BUB1B: variants seen among roughly 807,000 people sequenced by gnomAD.
BUB1B encodes mitotic checkpoint serine/threonine-protein kinase BUB1 beta.
Under a neutral mutation model 137.7 loss-of-function variants are expected in BUB1B, and 86 were observed. The ratio of observed to expected loss-of-function variants is 0.62; its 90% CI spans 0.52 to 0.75. BUB1B has a LOEUF of 0.75. Among genes scored for constraint, BUB1B ranks in the 30% least tolerant of loss-of-function variants. BUB1B has a pLI of 0.00. For missense variants in BUB1B, 1,130 were observed against 1,236.9 expected, an observed-to-expected ratio of 0.91 and a Z score of 1.30; for synonymous variants, 420 against 417.9, an observed-to-expected ratio of 1.00 and a Z score of -0.06.
intron 5 of BUB1B, among the ~76,000 whole-genome samples, chr15:40,180,637 T>G (rs1191011170): frequency 7.8e-6 from 1 of 128,310 alleles, no homozygotes; most frequent in East Asian, 2.3e-4. Context: ...TTCTTTTTTC[T>G]TTTTCTTTTT....
chr15:40,175,520 C>T (rs1014550623), intron 4 of BUB1B, among the ~76,000 whole-genome samples: 8 of 152,264 alleles, frequency 5.3e-5, no homozygotes, highest in Middle Eastern at 6.8e-3. Context: ...TAAGATAATA[C>T]ATATCCTTTC....
At chr15:40,210,702 C>G (rs986814017) in intron 18 of BUB1B, among the ~76,000 whole-genome samples, 5 of 152,112 alleles carry the variant, frequency 3.3e-5, no homozygotes, top group Non-Finnish European at 7.4e-5. Flanking sequence ...ACGGGGGCCT[C>G]TCTGTGTTGC....
chr15:40,161,084 C>G lies in BUB1B; in HGVS notation c.-137C>G, dbSNP rs1250950049. 6.7e-6 allele frequency: 8 copies of G among 1,185,284 alleles called. No homozygotes were observed. The highest frequency in any genetic ancestry group is 9.4e-6 in the Non-Finnish European group (8 of 846,880). The allele number at this position is 1,185,284 out of a possible 1,614,324, so 73.4% of individuals were successfully genotyped here. On this transcript the variant is annotated 5_prime_UTR_variant, in exon 1 of 23. Coordinates refer to ENST00000287598, the MANE Select transcript of BUB1B (RefSeq NM_001211.6). Reference sequence around the variant, plus strand: ...GGCTAGGGGTGTGGGCTTGAGGTGGCCGGTTTGTTAGGGAGTCGTGTACGT... The same window carrying G: ...GGCTAGGGGTGTGGGCTTGAGGTGGGCGGTTTGTTAGGGAGTCGTGTACGT...
chr15:40,209,701 T>G lies in BUB1B; in HGVS notation c.2210T>G (p.Leu737Ter), dbSNP rs759242053. ...CAGCTACTGAAGTCCCTACCAGAGT[T>G]AAGTGCCTCTGCAGAGTTGTGTATA... ...RRQLLKSLPE[L>*]SASAELCIED... The change falls in exon 17 of 23, where the codon TTA becomes TGA. Residue 737 changes from leucine to a stop codon, truncating the protein, a stop_gained. Coordinates refer to ENST00000287598, the MANE Select transcript of BUB1B (RefSeq NM_001211.6). LOFTEE classifies it high-confidence loss of function. The G allele has an allele frequency of 7.4e-5, 120 of 1,614,020 alleles. No individual in the cohort carries two copies. The highest frequency in any genetic ancestry group is 9.8e-5 in the Non-Finnish European group (116 of 1,180,014).
chr15:40,217,812 T>G lies in BUB1B; in HGVS notation c.2850+145T>G. The G allele has an allele frequency of 3.9e-6, 4 of 1,014,146 alleles. No individual in the cohort carries two copies. In the Admixed American group the frequency reaches 7.6e-5, roughly 19 times the overall value. 62.8% of individuals were successfully genotyped at this position (1,014,146 alleles called of 1,614,324 possible). Reference sequence around the variant, plus strand: ...TCAAATATCACCAAGTCAAGTAAAATGTAACATTTTTGTGTTACAGCATTG... The same window carrying G: ...TCAAATATCACCAAGTCAAGTAAAAGGTAACATTTTTGTGTTACAGCATTG... On this transcript the variant is annotated intron_variant, in intron 21 of 22. Transcript: ENST00000287598.
chr15:40,205,765 A>G (rs956214573), intron 14 of BUB1B, among the ~76,000 whole-genome samples: 8 of 152,212 alleles, frequency 5.3e-5, no homozygotes, highest in Admixed American at 2.0e-4. Flanking sequence ...AATGCATAGA[A>G]TATGCTATGC....
intron 4 of BUB1B, among the ~76,000 whole-genome samples, chr15:40,171,871 TA>T (rs979846995): frequency 6.6e-6 from 1 of 152,056 alleles, no homozygotes; most frequent in African/African-American, 2.4e-5. Context: ...TATTTTTTAT[TA>T]AAAAAATGAC....
chr15:40,176,413 T>C (rs141974565), intron 4 of BUB1B, 64 bp from the exon 5 acceptor site: 2 of 1,400,652 alleles, frequency 1.4e-6, no homozygotes, highest in South Asian at 2.3e-5. Context: ...AGTGATTGTT[T>C]GGCAACTAAT....
intron 4 of BUB1B, among the ~76,000 whole-genome samples, chr15:40,175,090 T>C (rs1209111296): frequency 6.6e-6 from 1 of 152,240 alleles, no homozygotes; most frequent in East Asian, 1.9e-4. Flanking sequence ...ATTAACAATT[T>C]TTACAACCTT....
intron 5 of BUB1B, among the ~76,000 whole-genome samples, chr15:40,180,333 C>T (rs1422074005): frequency 7.0e-6 from 1 of 142,492 alleles, no homozygotes; most frequent in Non-Finnish European, 1.5e-5. Flanking sequence ...TTTCAGCTCA[C>T]TGCAACCCCC....
intron 2 of BUB1B, among the ~76,000 whole-genome samples, chr15:40,167,861 G>A (rs1436409290): frequency 6.6e-6 from 1 of 151,728 alleles, no homozygotes; most frequent in African/African-American, 2.4e-5. Context: ...GTTATTTCTG[G>A]ACTCTATATT....
intron 20 of BUB1B, 83 bp from the exon 21 acceptor site, chr15:40,217,413 G>C: frequency 6.9e-7 from 1 of 1,453,542 alleles, no homozygotes; most frequent in Non-Finnish European, 9.6e-7. Flanking sequence ...TGTACCCAAG[G>C]TACCTTTTTT....
rs1263387890 is a variant in BUB1B at position 40,220,864 on chromosome 15, A to G, written c.*105A>G. The G allele has an allele frequency of 8.3e-7, 1 of 1,206,826 alleles. No homozygotes were observed. 74.8% of individuals were successfully genotyped at this position (1,206,826 alleles called of 1,614,324 possible). On this transcript the variant is annotated 3_prime_UTR_variant, in exon 23 of 23. Coordinates refer to ENST00000287598, the MANE Select transcript of BUB1B (RefSeq NM_001211.6). ...TTTAATTTAGGACACATTTAGATGC[A>G]CTACCATTGCTGTTCTACTTTTTGG...
At chr15:40,173,212 G>A (rs1303966976) in intron 4 of BUB1B, among the ~76,000 whole-genome samples, 2 of 150,364 alleles carry the variant, frequency 1.3e-5, no homozygotes, top group African/African-American at 4.9e-5. Flanking sequence ...TTGAACCCAG[G>A]AGACAGAGGT....
At chr15:40,219,799 T>C (rs1478071637) in intron 22 of BUB1B, among the ~76,000 whole-genome samples, 4 of 152,148 alleles carry the variant, frequency 2.6e-5, no homozygotes, top group African/African-American at 9.7e-5. Context: ...TGTTATATTC[T>C]TTGGTTAAAA....
At chr15:40,189,377 C>T (rs529949986) in intron 8 of BUB1B, among the ~76,000 whole-genome samples, 4 of 152,340 alleles carry the variant, frequency 2.6e-5, no homozygotes, top group African/African-American at 9.6e-5. Flanking sequence ...CCAGGCTGGT[C>T]TCAAACTCCT....
At chr15:40,216,571 ATTT>A (rs71426368) in intron 20 of BUB1B, among the ~76,000 whole-genome samples, 248 of 83,024 alleles carry the variant, frequency 3.0e-3, no homozygotes, top group Middle Eastern at 0.013. Context: ...ATATATATAT[ATTT>A]TTTTTTTTTT....
chr15:40,168,306 G>T (rs995171994), intron 2 of BUB1B, among the ~76,000 whole-genome samples: 6 of 152,098 alleles, frequency 3.9e-5, no homozygotes, highest in African/African-American at 1.4e-4. Context: ...GGTGGAGGTT[G>T]CAGTGAGCCG....
At chr15:40,176,969 A>G (rs1595514738) in intron 5 of BUB1B, among the ~76,000 whole-genome samples, 1 of 151,954 alleles carries the variant, frequency 6.6e-6, no homozygotes, top group Non-Finnish European at 1.5e-5. Context: ...CTGAACCCAA[A>G]CCCCTGGCAA....
Sources: gnomAD v4.1 joint callset for allele counts (sites outside exome capture counted in the v4.1 genomes callset) on GRCh38, gnomAD v4.1.1 for gene constraint, MANE v1.5 for transcripts, NCBI Gene and HGNC (gene_info 2026-07-23, HGNC 2026-07-21) for gene names.